CHDH: variants seen among roughly 807,000 people sequenced by gnomAD.
CHDH encodes choline dehydrogenase.
Under a neutral mutation model 56.9 loss-of-function variants are expected in CHDH, and 43 were observed. The observed-to-expected ratio is 0.76, with a 90% CI of 0.59 to 0.97. The LOEUF (loss-of-function observed/expected upper bound fraction) is 0.97, where lower values mean the gene tolerates loss of function less well. Ranked by LOEUF, CHDH falls within the 50% of genes least tolerant of loss-of-function variation. The pLI, the probability that CHDH is intolerant of heterozygous loss-of-function variation, is 0.00. For synonymous variants in CHDH, 364 were observed against 348.5 expected (o/e 1.04, Z -0.50); for missense variants, 816 against 821.1 (o/e 0.99, Z 0.08).
chr3:53,835,291 A>AT (rs1388244408), intron 2 of CHDH, among the ~76,000 whole-genome samples: 1 of 152,246 alleles, frequency 6.6e-6, no homozygotes, highest in Non-Finnish European at 1.5e-5. Flanking sequence ...ACCATAGCCC[A>AT]TTGTGGACAA....
intron 1 of CHDH, among the ~76,000 whole-genome samples, chr3:53,842,764 T>G (rs1199665632): frequency 2.0e-5 from 3 of 152,080 alleles, no homozygotes; most frequent in African/African-American, 7.2e-5. Flanking sequence ...AAGCCCTCAG[T>G]GTGGCTTCAG....
At position 53,846,399 on chromosome 3, in the gene CHDH, C is replaced by T. The variant is rs1698890536; in HGVS notation, c.-447G>A. On this transcript the variant is annotated 5_prime_UTR_variant, in exon 1 of 9. Coordinates refer to ENST00000315251, the MANE Select transcript of CHDH (RefSeq NM_018397.5). ...GCCAGCGCTCGGACACGGCCCATCC[C>T]TCCGAGCCCCAGCAGGCGAGGGCGC... 1.8e-6 allele frequency: 1 copy of T among 561,856 alleles called. No individual in the cohort carries two copies. The highest frequency in any genetic ancestry group is 2.5e-5 in the South Asian group (1 of 39,668). 34.8% of individuals were successfully genotyped at this position (561,856 alleles called of 1,614,324 possible). A position where few individuals can be genotyped will look rare whatever the true frequency, so the allele number is the denominator to read the frequency against.
chr3:53,839,055 GA>G (rs1373988059), intron 2 of CHDH, among the ~76,000 whole-genome samples: 1 of 152,168 alleles, frequency 6.6e-6, no homozygotes, highest in African/African-American at 2.4e-5. Context: ...GGTGATGTCA[GA>G]ACAAGCGGGG....
chr3:53,823,453 G>A lies in CHDH; in HGVS notation c.556C>T (p.Pro186Ser). The A allele has an allele frequency of 6.4e-7, 1 of 1,561,010 alleles. No homozygotes were observed. Among genetic ancestry groups the A allele is most frequent in the South Asian group, 1.2e-5 (1 of 85,226 alleles). ...GASRYRGADGPLRVSRGKTNH... is the reference protein window; with the variant it reads ...GASRYRGADGSLRVSRGKTNH... ...GTCTTGCCCCGGGACACCCGCAGCG[G>A]GCCATCGGCGCCCCGGTACCGGCTG... is the stretch of plus-strand genomic sequence containing the variant. The change falls in exon 3 of 9, where the codon CCG becomes TCG. Residue 186 changes from proline to serine, a missense_variant. By Grantham distance (74) the Pro-to-Ser change is moderately conservative (BLOSUM62 -1). Coordinates refer to ENST00000315251, the MANE Select transcript of CHDH (RefSeq NM_018397.5).
intron 8 of CHDH, 71 bp from the exon 9 acceptor site, chr3:53,818,266 A>G (rs546040165): frequency 7.3e-7 from 1 of 1,365,848 alleles, no homozygotes; most frequent in South Asian, 1.4e-5. Context: ...GATTCACGGC[A>G]TGGAGAGGCT....
rs931646690 is a variant in CHDH, at chr3:53,814,577, G to T, written c.*3200C>A. The T allele has an allele frequency of 6.6e-6, 1 of 152,258 alleles. No individual in the cohort carries two copies. Among genetic ancestry groups the T allele is most frequent in the East Asian group, 1.9e-4 (1 of 5,172 alleles). 9.4% of individuals were successfully genotyped at this position (152,258 alleles called of 1,614,324 possible). ...ATTTTATCTTTAAAAAATCTGTATT[G>T]GATCTGATGTTAAGTTGGCTTATCA... On this transcript the variant is annotated 3_prime_UTR_variant, in exon 9 of 9. Transcript: ENST00000315251.
chr3:53,839,580 C>T (rs1176615166), intron 2 of CHDH, among the ~76,000 whole-genome samples: 1 of 152,202 alleles, frequency 6.6e-6, no homozygotes, highest in Non-Finnish European at 1.5e-5. Flanking sequence ...TTTAAACTCA[C>T]CCTTTCAGGA....
At chr3:53,822,700 G>A (rs1465092427) in intron 3 of CHDH, 58 bp from the exon 4 acceptor site, 8 of 1,570,036 alleles carry the variant, frequency 5.1e-6, no homozygotes, top group Non-Finnish European at 6.9e-6. Context: ...CACCTGGGCA[G>A]GAGGAAGGAG....
At chr3:53,841,678 G>A (rs1698673227) in intron 1 of CHDH, among the ~76,000 whole-genome samples, 1 of 152,208 alleles carries the variant, frequency 6.6e-6, no homozygotes, top group African/African-American at 2.4e-5. Flanking sequence ...CTGCTTCTTT[G>A]TATCAACTGG....
chr3:53,832,409 A>G (rs537390292), intron 2 of CHDH, among the ~76,000 whole-genome samples: 2 of 152,236 alleles, frequency 1.3e-5, no homozygotes, highest in East Asian at 3.9e-4. Context: ...GTGGGTGCCT[A>G]TAATCCCAGC....
At chr3:53,822,746 C>T in intron 3 of CHDH, 104 bp from the exon 4 acceptor site, 1 of 1,371,488 alleles carries the variant, frequency 7.3e-7, no homozygotes, top group Non-Finnish European at 9.8e-7. Flanking sequence ...CCAGCTCTGA[C>T]TGCAAGTCCC....
At chr3:53,822,459 T>C in intron 4 of CHDH, 32 bp downstream of exon 4, 1 of 1,586,440 alleles carries the variant, frequency 6.3e-7, no homozygotes, top group Non-Finnish European at 8.6e-7. Flanking sequence ...GCCCACCCCC[T>C]TCTTCCAGGA....
intron 2 of CHDH, among the ~76,000 whole-genome samples, chr3:53,832,518 C>T (rs564644322): frequency 1.3e-4 from 20 of 151,520 alleles, no homozygotes; most frequent in South Asian, 2.1e-4. Flanking sequence ...GGCGACAGAG[C>T]GAGACTCCAT....
At chr3:53,833,915 G>A (rs535238043) in intron 2 of CHDH, among the ~76,000 whole-genome samples, 1 of 152,166 alleles carries the variant, frequency 6.6e-6, no homozygotes, top group Non-Finnish European at 1.5e-5. Flanking sequence ...CCATCTGGCC[G>A]GCTGGCCTTG....
chr3:53,820,597 T>C lies in CHDH; in HGVS notation c.997A>G (p.Asn333Asp). The change falls in exon 6 of 9, where the codon AAC becomes GAC. Residue 333 changes from asparagine (N) to aspartate (D), a missense_variant. Asn to Asp is a conservative substitution (Grantham distance 23, BLOSUM62 1). Coordinates refer to ENST00000315251, the MANE Select transcript of CHDH (RefSeq NM_018397.5). ...VVCHLPGVGQ[N>D]LQDHLEIYIQ... ...TAGATCTCCAGGTGGTCTTGCAGGT[T>C]CTGGCCAACCCCTGATACGGGAAGG... is the stretch of plus-strand genomic sequence containing the variant. 1 of 1,612,538 alleles carries C rather than the reference T, an allele frequency of 6.2e-7. No individual in the cohort carries two copies. Among genetic ancestry groups the C allele is most frequent in the Non-Finnish European group, 8.5e-7 (1 of 1,179,226 alleles).
chr3:53,841,711 C>A (rs1345341346), intron 1 of CHDH, among the ~76,000 whole-genome samples: 1 of 152,222 alleles, frequency 6.6e-6, no homozygotes, highest in African/African-American at 2.4e-5. Context: ...CACTAAAGTA[C>A]TGAAATTAAT....
rs936964937 is a variant in CHDH at position 53,817,025 on chromosome 3, G to C, written c.*752C>G. On this transcript the variant is annotated 3_prime_UTR_variant, in exon 9 of 9. Coordinates refer to ENST00000315251, the MANE Select transcript of CHDH (RefSeq NM_018397.5). The stretch of plus-strand genomic sequence containing the variant: ...CATGCCCAGCTAATTGTTTTCCAGA[G>C]ACAAGGTCTCACTATGTTGCCCAGG... 2.6e-5 allele frequency: 4 copies of C among 152,144 alleles called. No individual in the cohort carries two copies. Among genetic ancestry groups the C allele is most frequent in the Admixed American group, 6.6e-5 (1 of 15,242 alleles). The allele number at this position is 152,144 out of a possible 1,614,324, so 9.4% of individuals were successfully genotyped here. A position where few individuals can be genotyped will look rare whatever the true frequency, so the allele number is the denominator to read the frequency against.
rs780809306 is a variant in CHDH at position 53,817,939 on chromosome 3, C to A, written c.1623G>T (p.Arg541Ser). The change falls in exon 9 of 9, where the codon AGG becomes AGT. Residue 541 changes from arginine (R) to serine (S), a missense_variant. Transcript: ENST00000315251. ...QTRVLGVENL[R>S]VVDASIMPSM... ...TAGGCATGATGGAGGCATCGACGAC[C>A]CTGAGGTTTTCCACCCCGAGGACCC... 1 of 1,614,196 alleles carries A rather than the reference C, an allele frequency of 6.2e-7. No homozygotes were observed. The highest frequency in any genetic ancestry group is 8.5e-7 in the Non-Finnish European group (1 of 1,180,050).
chr3:53,832,931 C>G (rs1156885509), intron 2 of CHDH, among the ~76,000 whole-genome samples: 2 of 152,144 alleles, frequency 1.3e-5, no homozygotes, highest in Non-Finnish European at 2.9e-5. Flanking sequence ...AAATCACCAA[C>G]AAAATCCTAC....
Sources: gnomAD v4.1 joint callset for allele counts (sites outside exome capture counted in the v4.1 genomes callset) on GRCh38, gnomAD v4.1.1 for gene constraint, MANE v1.5 for transcripts, NCBI Gene and HGNC (gene_info 2026-07-23, HGNC 2026-07-21) for gene names.